LUZP2: variants seen among roughly 807,000 people sequenced by gnomAD.
LUZP2 encodes the protein leucine zipper protein 2.
In LUZP2, 52 loss-of-function variants were observed where a neutral mutation model predicts 51.6. The observed-to-expected ratio is 1.01, with a 90% CI of 0.81 to 1.27. The LOEUF (loss-of-function observed/expected upper bound fraction) is 1.27. Ranked by LOEUF, LUZP2 falls within the 50% of genes most tolerant of loss-of-function variation. The pLI is 0.00. For synonymous variants in LUZP2, 154 were observed against 137.3 expected, an observed-to-expected ratio of 1.12 and a Z score of -0.85; for missense variants, 436 against 395.4, an observed-to-expected ratio of 1.10 and a Z score of -0.87.
intron 1 of LUZP2, among the ~76,000 whole-genome samples, chr11:24,548,413 G>A (rs527980245): frequency 4.3e-4 from 66 of 152,128 alleles, no homozygotes; most frequent in African/African-American, 1.5e-3. Context: ...AACATGGATG[G>A]CGCTGGAATT....
chr11:24,871,840 T>C (rs1268973548), intron 5 of LUZP2, among the ~76,000 whole-genome samples: 1 of 152,144 alleles, frequency 6.6e-6, no homozygotes, highest in Non-Finnish European at 1.5e-5. Context: ...TGGAATGAGC[T>C]ATATGTACAA....
At chr11:24,820,875 C>A (rs991192677) in intron 5 of LUZP2, among the ~76,000 whole-genome samples, 2 of 152,048 alleles carry the variant, frequency 1.3e-5, no homozygotes, top group Non-Finnish European at 2.9e-5. Flanking sequence ...GTAGTCTATT[C>A]TATGATAGAG....
intron 10 of LUZP2, among the ~76,000 whole-genome samples, chr11:25,056,369 A>G (rs1278572657): frequency 6.6e-6 from 1 of 152,126 alleles, no homozygotes; most frequent in African/African-American, 2.4e-5. Flanking sequence ...TCATGTTAGC[A>G]TCTCTTTCAA....
At chr11:24,550,137 A>T (rs573131859) in intron 1 of LUZP2, among the ~76,000 whole-genome samples, 1 of 152,162 alleles carries the variant, frequency 6.6e-6, no homozygotes, top group South Asian at 2.1e-4. Context: ...GTGTACAGTA[A>T]CATGTCAATC....
intron 5 of LUZP2, among the ~76,000 whole-genome samples, chr11:24,763,511 T>A (rs985717160): frequency 1.1e-4 from 16 of 152,130 alleles, no homozygotes; most frequent in African/African-American, 3.9e-4. Context: ...ATTTCATTAG[T>A]CCAAACTTCT....
chr11:24,758,711 A>T (rs1337860522), intron 4 of LUZP2, among the ~76,000 whole-genome samples: 1 of 152,080 alleles, frequency 6.6e-6, no homozygotes, highest in South Asian at 2.1e-4. Flanking sequence ...TTTTAGATTT[A>T]AGAGCAGATA....
intron 1 of LUZP2, among the ~76,000 whole-genome samples, chr11:24,711,450 A>AAAAT (rs200424558): frequency 0.15 from 21,124 of 142,896 alleles, 1,900 homozygotes; most frequent in African/African-American, 0.24. Context: ...ACTCCATCTC[A>AAAAT]AAATAAATAA....
chr11:24,794,318 T>C (rs113306101), intron 5 of LUZP2, among the ~76,000 whole-genome samples: 139 of 152,284 alleles, frequency 9.1e-4, no homozygotes, highest in African/African-American at 3.1e-3. Flanking sequence ...CTACTCTTTA[T>C]GTACAGAGAT....
chr11:24,814,493 C>T (rs970561685), intron 5 of LUZP2, among the ~76,000 whole-genome samples: 1 of 152,154 alleles, frequency 6.6e-6, no homozygotes, highest in African/African-American at 2.4e-5. Flanking sequence ...TGCTTTCTTT[C>T]CTTGTGCTGT....
intron 1 of LUZP2, among the ~76,000 whole-genome samples, chr11:24,591,752 T>A (rs547630334): frequency 6.6e-6 from 1 of 152,130 alleles, no homozygotes. Flanking sequence ...CTAAACACCA[T>A]TCTATGAAGT....
rs147841235 is a variant in LUZP2, at chr11:24,680,069, C to T, written c.63-49100C>T. ...CAAACAGTAGGTGATCAATTCATAC[C>T]GCTTTACTGGTAGTGGAGGAGCAAG... is the stretch of plus-strand genomic sequence containing the variant. On this transcript the variant is annotated intron_variant, in intron 1 of 11. Coordinates refer to ENST00000336930, the MANE Select transcript of LUZP2 (RefSeq NM_001009909.4). 5.8e-4 allele frequency among the ~76,000 whole-genome samples: 89 copies of T among 152,138 alleles called. 2 individuals are homozygous for T. The South Asian group carries it at 0.011, about 19-fold the overall frequency.
At position 24,527,266 on chromosome 11, in the gene LUZP2, C is replaced by T. The variant is rs551164514; in HGVS notation, c.62+29961C>T. ...GTTGATATACTTTGATGAAAAAGAA[C>T]AGGCAATAGTGGGAACTTTTCTGAT... On this transcript the variant is annotated intron_variant, in intron 1 of 11. Transcript: ENST00000336930. Among the ~76,000 whole-genome samples the T allele has an allele frequency of 5.3e-5, 8 of 151,374 alleles. No individual in the cohort carries two copies. The South Asian group carries it at 1.5e-3, about 28-fold the overall frequency.
At chr11:24,563,163 A>T (rs1482731551) in intron 1 of LUZP2, among the ~76,000 whole-genome samples, 2 of 152,210 alleles carry the variant, frequency 1.3e-5, no homozygotes, top group Non-Finnish European at 2.9e-5. Context: ...TACGAACAAG[A>T]ATGGGTCTGA....
At chr11:24,754,008 A>AGAC (rs781390571) in intron 4 of LUZP2, among the ~76,000 whole-genome samples, 387 of 152,288 alleles carry the variant, frequency 2.5e-3, no homozygotes, top group South Asian at 6.4e-3. Context: ...ATAGTGTTGT[A>AGAC]TTTAGACTTT....
At chr11:24,560,303 A>C (rs1170877165) in intron 1 of LUZP2, among the ~76,000 whole-genome samples, 1 of 152,212 alleles carries the variant, frequency 6.6e-6, no homozygotes, top group Non-Finnish European at 1.5e-5. Flanking sequence ...TAAAATAAGC[A>C]AAATTTCTGA....
intron 7 of LUZP2, among the ~76,000 whole-genome samples, chr11:24,930,932 G>C (rs1390080154): frequency 2.6e-5 from 4 of 152,010 alleles, no homozygotes; most frequent in African/African-American, 9.7e-5. Flanking sequence ...AAAAATTCAT[G>C]GCTGGGCACA....
chr11:24,714,822 T>C (rs928468146), intron 1 of LUZP2, among the ~76,000 whole-genome samples: 2 of 152,196 alleles, frequency 1.3e-5, no homozygotes, highest in African/African-American at 4.8e-5. Context: ...CTTGGAGGCA[T>C]CACCTTCTGT....
intron 1 of LUZP2, among the ~76,000 whole-genome samples, chr11:24,718,235 A>G (rs1289775131): frequency 2.0e-5 from 3 of 152,158 alleles, no homozygotes; most frequent in Admixed American, 1.3e-4. Context: ...CTAATCTCAG[A>G]GTGGTTGTTA....
chr11:24,585,299 C>T (rs1271949500), intron 1 of LUZP2, among the ~76,000 whole-genome samples: 2 of 152,158 alleles, frequency 1.3e-5, no homozygotes, highest in South Asian at 2.1e-4. Flanking sequence ...AAAAAGTTCT[C>T]AAGCATACAT....
Sources: allele counts gnomAD v4.1 joint callset (sites outside exome capture counted in the v4.1 genomes callset), GRCh38; gene constraint gnomAD v4.1.1; transcripts MANE v1.5; gene names NCBI Gene and HGNC (gene_info 2026-07-23, HGNC 2026-07-21).